Variants in SUMF1 observed in about 807,000 individuals in gnomAD.
SUMF1 encodes the protein formylglycine-generating enzyme.
A neutral mutation model predicts 47.6 loss-of-function variants in SUMF1; 48 were observed. That is an observed-to-expected ratio of 1.01 (90% CI 0.80 to 1.28). The LOEUF (loss-of-function observed/expected upper bound fraction) is 1.28, where lower values mean the gene tolerates loss of function less well. Ranked by LOEUF, SUMF1 falls within the 50% of genes most tolerant of loss-of-function variation. SUMF1 has a pLI of 0.00. For synonymous variants in SUMF1, 230 were observed against 192.1 expected, an observed-to-expected ratio of 1.20 and a Z score of -1.63; for missense variants, 571 against 485.4, an observed-to-expected ratio of 1.18 and a Z score of -1.66.
At chr3:4,261,126 A>G (rs1307278308) in intron 8 of SUMF1, among the ~76,000 whole-genome samples, 1 of 152,256 alleles carries the variant, frequency 6.6e-6, no homozygotes, top group African/African-American at 2.4e-5. Context: ...AGACAAAGCA[A>G]GGAAACAAAC....
chr3:4,456,785 TGTGTGTATATATAC>T, intron 1 of SUMF1, among the ~76,000 whole-genome samples: 1 of 140,600 alleles, frequency 7.1e-6, no homozygotes, highest in African/African-American at 2.6e-5. Flanking sequence ...TATATACGTG[TGTGTGTATATATAC>T]GTGTATATAT....
intron 9 of SUMF1, among the ~76,000 whole-genome samples, chr3:4,037,125 T>C (rs1694815212): frequency 1.3e-5 from 2 of 152,154 alleles, no homozygotes; most frequent in Admixed American, 1.3e-4. Context: ...TAAGATCTAG[T>C]CAAATACATT....
intron 8 of SUMF1, among the ~76,000 whole-genome samples, chr3:4,073,285 T>A (rs981146077): frequency 1.3e-5 from 2 of 152,178 alleles, no homozygotes; most frequent in Admixed American, 1.3e-4. Flanking sequence ...AAGCAAATGC[T>A]GAGAGATTTT....
intron 8 of SUMF1, among the ~76,000 whole-genome samples, chr3:4,205,706 T>C (rs1038485107): frequency 6.6e-6 from 1 of 152,188 alleles, no homozygotes; most frequent in Non-Finnish European, 1.5e-5. Flanking sequence ...TTGGTGGTCT[T>C]GGGCAAGATC....
Position 4,421,407 on chromosome 3 carries a change from C to T in SUMF1, c.520-1261G>A, listed in dbSNP as rs191384832. On this transcript the variant is annotated intron_variant, in intron 3 of 8. Coordinates refer to ENST00000272902, the MANE Select transcript of SUMF1 (RefSeq NM_182760.4). ...GTAAAGGGAACCAGTCTCACTATGG[C>T]CCCATGACACTCAGTCACAAGGAGA... 2.0e-5 allele frequency among the ~76,000 whole-genome samples: 3 copies of T among 152,258 alleles called. No individual in the cohort carries two copies. In the East Asian group the frequency reaches 5.8e-4, roughly 29 times the overall value.
intron 1 of SUMF1, among the ~76,000 whole-genome samples, chr3:4,458,002 A>G (rs1020281560): frequency 6.6e-6 from 1 of 152,238 alleles, no homozygotes; most frequent in Non-Finnish European, 1.5e-5. Flanking sequence ...TATGGAGTTA[A>G]TATTCAAAAT....
chr3:4,072,575 A>G (rs1695555722), intron 8 of SUMF1, among the ~76,000 whole-genome samples: 1 of 152,178 alleles, frequency 6.6e-6, no homozygotes, highest in African/African-American at 2.4e-5. Flanking sequence ...CAAGGAAGCT[A>G]AAAACCTTGA....
At chr3:4,121,653 A>C (rs1693547746) in intron 8 of SUMF1, among the ~76,000 whole-genome samples, 3 of 152,190 alleles carry the variant, frequency 2.0e-5, no homozygotes, top group Admixed American at 2.0e-4. Flanking sequence ...GTATATACCC[A>C]AAAGAAGTGA....
intron 8 of SUMF1, among the ~76,000 whole-genome samples, chr3:4,264,002 C>A (rs543767827): frequency 6.6e-6 from 1 of 152,108 alleles, no homozygotes; most frequent in Non-Finnish European, 1.5e-5. Flanking sequence ...TTTACTATTA[C>A]GCACATAACA....
intron 8 of SUMF1, among the ~76,000 whole-genome samples, chr3:4,111,130 T>C (rs1241512098): frequency 2.0e-5 from 3 of 151,556 alleles, no homozygotes; most frequent in South Asian, 2.1e-4. Context: ...TATTCGCAGA[T>C]TGGTTCCAGG....
rs568246661 is a variant in SUMF1 at position 4,102,954 on chromosome 3, ACT to A, written c.1015-34211_1015-34210del. ...TTTTTTTAATTTGAGATGGAATCTC[ACT>A]CTGTCACCCAGGCTGGAGTGTAGTA... is the stretch of plus-strand genomic sequence containing the variant. On this transcript the variant is annotated intron_variant and NMD_transcript_variant, in intron 8 of 12. Coordinates refer to the SUMF1 transcript ENST00000448413. Among the ~76,000 whole-genome samples, 407 of 151,440 alleles carry A rather than the reference ACT, an allele frequency of 2.7e-3. 4 individuals carry two copies. The highest frequency in any genetic ancestry group is 9.2e-3 in the African/African-American group (381 of 41,190).
intron 8 of SUMF1, among the ~76,000 whole-genome samples, chr3:4,235,111 A>C (rs1487822300): frequency 6.6e-6 from 1 of 152,190 alleles, no homozygotes; most frequent in Non-Finnish European, 1.5e-5. Flanking sequence ...GCTGAGAAAC[A>C]ACAGTGGGCT....
intron 9 of SUMF1, among the ~76,000 whole-genome samples, chr3:4,043,243 T>C (rs556040318): frequency 4.6e-5 from 7 of 152,244 alleles, no homozygotes; most frequent in Non-Finnish European, 8.8e-5. Flanking sequence ...AACAGCTTCC[T>C]GCTATTGCTA....
chr3:4,354,435 T>A (rs4685743), intron 8 of SUMF1, among the ~76,000 whole-genome samples: 17,474 of 152,188 alleles, frequency 0.11, 1,169 homozygotes, highest in East Asian at 0.31. Context: ...TCCATTGGTA[T>A]TAAACCTGCT....
intron 8 of SUMF1, among the ~76,000 whole-genome samples, chr3:4,258,665 G>T (rs1697014080): frequency 6.6e-6 from 1 of 151,202 alleles, no homozygotes; most frequent in Non-Finnish European, 1.5e-5. Flanking sequence ...ACTGTTGGTG[G>T]GACTGTAAAC....
chr3:4,176,398 A>G (rs938256244), intron 8 of SUMF1, among the ~76,000 whole-genome samples: 1 of 152,198 alleles, frequency 6.6e-6, no homozygotes, highest in African/African-American at 2.4e-5. Context: ...GTTCTTAAAG[A>G]AAAGAATTTC....
At chr3:4,300,510 G>A (rs923170838) in intron 8 of SUMF1, among the ~76,000 whole-genome samples, 2 of 151,088 alleles carry the variant, frequency 1.3e-5, no homozygotes, top group African/African-American at 2.5e-5. Context: ...ACATGCTCAT[G>A]AATAGCACAT....
chr3:4,290,183 C>A (rs1169652507), intron 8 of SUMF1, among the ~76,000 whole-genome samples: 1 of 152,158 alleles, frequency 6.6e-6, no homozygotes, highest in Admixed American at 6.5e-5. Flanking sequence ...CATCTTTAGA[C>A]AGTATTTTCC....
rs58862212 is a variant in SUMF1 at position 4,141,252 on chromosome 3, C to T, written c.1015-72507G>A. On this transcript the variant is annotated intron_variant and NMD_transcript_variant, in intron 8 of 12. Transcript: ENST00000448413. ...CTTTTATCTCATTTCCCTCCTAATA[C>T]GGAGGTAATCATCAATAAGCACTGT... 4.3e-3 allele frequency among the ~76,000 whole-genome samples: 653 copies of T among 152,182 alleles called. 8 individuals are homozygous for T. Among genetic ancestry groups the T allele is most frequent in the African/African-American group, 0.015 (620 of 41,494 alleles).
Sources: gnomAD v4.1 joint callset for allele counts (sites outside exome capture counted in the v4.1 genomes callset) on GRCh38, gnomAD v4.1.1 for gene constraint, MANE v1.5 for transcripts, NCBI Gene and HGNC (gene_info 2026-07-23, HGNC 2026-07-21) for gene names.